The following RBM45 variants were observed in gnomAD, a reference collection of about 807,000 sequenced individuals.
RBM45 encodes RNA binding motif protein 45, also known as RNA-binding protein 45.
RBM45 carries 39 observed loss-of-function variants against 58.5 expected under a neutral mutation model. That is an observed-to-expected ratio of 0.67 (90% CI 0.52 to 0.87). RBM45 has a LOEUF of 0.87. Ranked by LOEUF, RBM45 falls within the 40% of genes least tolerant of loss-of-function variation. The probability of loss-of-function intolerance (pLI) is 0.00; values close to 1 mark genes in which losing one functional copy is unlikely to be tolerated. For missense variants in RBM45, 481 were observed against 581.6 expected (o/e 0.83, Z 1.78); for synonymous variants, 193 against 203.0 (o/e 0.95, Z 0.42).
At chr2:178,117,985 T>G (rs1445153448) in intron 2 of RBM45, 70 bp from the exon 3 acceptor site, 1 of 1,338,498 alleles carries the variant, frequency 7.5e-7, no homozygotes, top group Non-Finnish European at 9.9e-7. Context: ...TATAAACAAA[T>G]TTTTAGTTCT....
chr2:178,120,382 G>A lies in RBM45; in HGVS notation c.646G>A (p.Glu216Lys). 1.2e-6 allele frequency: 2 copies of A among 1,612,836 alleles called. No homozygotes were observed. The highest frequency in any genetic ancestry group is 1.7e-6 in the Non-Finnish European group (2 of 1,179,402). Reference sequence around the variant, plus strand: ...TATGAGGCAAGAAGCTTTGGGACATGAACCTAGAGTAAATATGTTTCCATT... The same window carrying A: ...TATGAGGCAAGAAGCTTTGGGACATAAACCTAGAGTAAATATGTTTCCATT... ...SNMRQEALGH[E>K]PRVNMFPFEQ... The change falls in exon 4 of 10, where the codon GAA becomes AAA. Residue 216 changes from glutamate to lysine, a missense_variant. By Grantham distance (56) the Glu-to-Lys change is moderately conservative. Coordinates refer to ENST00000286070, the MANE Select transcript of RBM45 (RefSeq NM_152945.4).
At chr2:178,115,957 A>G (rs2087768280) in intron 1 of RBM45, among the ~76,000 whole-genome samples, 1 of 152,034 alleles carries the variant, frequency 6.6e-6, no homozygotes, top group Non-Finnish European at 1.5e-5. Flanking sequence ...ATTCATGACC[A>G]TCCTGGACAA....
chr2:178,120,139 A>G, intron 3 of RBM45, 148 bp from the exon 4 acceptor site: 1 of 946,416 alleles, frequency 1.1e-6, no homozygotes, highest in South Asian at 1.5e-5. Context: ...TCCAGAAAGC[A>G]AAGAAGTAGG....
At chr2:178,136,821 A>G (rs887631983) in exon 4 of RBM45, 1 of 152,186 alleles carries the variant, frequency 6.6e-6, no homozygotes, top group African/African-American at 2.4e-5. Context: ...CACCTGCTGG[A>G]TATTATATCA....
At chr2:178,122,886 T>C (rs2087873908) in intron 5 of RBM45, among the ~76,000 whole-genome samples, 1 of 152,136 alleles carries the variant, frequency 6.6e-6, no homozygotes, top group Non-Finnish European at 1.5e-5. Flanking sequence ...AACCTTTTAG[T>C]TGTGTCACAA....
At chr2:178,131,894 T>TA (rs2088008989), downstream of RBM45, among the ~76,000 whole-genome samples, 2 of 152,318 alleles carry the variant, frequency 1.3e-5, no homozygotes, top group South Asian at 4.1e-4. Flanking sequence ...TTCTAGAACC[T>TA]AAAAAATTGC....
At chr2:178,126,403 T>C (rs566052551) in intron 9 of RBM45, among the ~76,000 whole-genome samples, 1 of 152,360 alleles carries the variant, frequency 6.6e-6, no homozygotes, top group East Asian at 1.9e-4. Context: ...AGATAAATAA[T>C]TGTTTTTTGT....
At chr2:178,122,145 G>T (rs2087861325) in intron 5 of RBM45, among the ~76,000 whole-genome samples, 1 of 152,076 alleles carries the variant, frequency 6.6e-6, no homozygotes, top group African/African-American at 2.4e-5. Context: ...TACCTTCTTT[G>T]CCAGGGTTAG....
At chr2:178,126,552 G>C (rs927393821) in intron 9 of RBM45, among the ~76,000 whole-genome samples, 1 of 152,102 alleles carries the variant, frequency 6.6e-6, no homozygotes, top group African/African-American at 2.4e-5. Context: ...AAAAATTGGT[G>C]TCTTGAGTTA....
intron 3 of RBM45, among the ~76,000 whole-genome samples, chr2:178,118,947 C>T (rs2087813858): frequency 6.6e-6 from 1 of 152,130 alleles, no homozygotes. Context: ...TGAGTACCTG[C>T]AGTATACTGA....
intron 9 of RBM45, 78 bp downstream of exon 9, chr2:178,126,262 CTT>C (rs897926523): frequency 8.5e-5 from 77 of 903,562 alleles, no homozygotes; most frequent in Middle Eastern, 2.3e-4. Context: ...ACTTTATAAA[CTT>C]TTCTTTTTAG....
At chr2:178,124,098 T>G (rs772446807) in intron 7 of RBM45, 29 bp from the exon 8 acceptor site, 1 of 1,571,038 alleles carries the variant, frequency 6.4e-7, no homozygotes, top group South Asian at 1.2e-5. Flanking sequence ...GGCATTTTTT[T>G]CTTTTTCTTG....
chr2:178,127,084 G>T (rs551954133), intron 9 of RBM45, among the ~76,000 whole-genome samples: 1 of 151,990 alleles, frequency 6.6e-6, no homozygotes, highest in Non-Finnish European at 1.5e-5. Flanking sequence ...CTACAGGCGC[G>T]TACCACCACG....
chr2:178,124,860 T>C (rs1325068016), intron 8 of RBM45, among the ~76,000 whole-genome samples: 1 of 152,188 alleles, frequency 6.6e-6, no homozygotes, highest in Non-Finnish European at 1.5e-5. Context: ...GTTGGTGCAT[T>C]GTAGGATCCT....
rs1259832877 is a variant in RBM45, at chr2:178,124,153, G to A, written c.1095G>A (p.Gln365=). The A allele has an allele frequency of 1.3e-6, 2 of 1,597,606 alleles. No individual in the cohort carries two copies. The highest frequency in any genetic ancestry group is 1.8e-5 in the Admixed American group (1 of 55,774). Residue 365 remains glutamine, a synonymous_variant, in exon 8 of 10, where the codon CAG becomes CAA. Coordinates refer to ENST00000286070, the MANE Select transcript of RBM45 (RefSeq NM_152945.4). ...AATTTGGAGGAAGCTCTGGATCACAGTTGCCTCAAATCCAGACAGATGTTG... is the reference window on the plus strand; with the variant it reads ...AATTTGGAGGAAGCTCTGGATCACAATTGCCTCAAATCCAGACAGATGTTG... The part of the protein sequence containing the change: ...FMQFGGSSGS[Q]LPQIQTDVVL...
chr2:178,114,249 A>G (rs150291501), intron 1 of RBM45, among the ~76,000 whole-genome samples: 227 of 152,244 alleles, frequency 1.5e-3, no homozygotes, highest in Non-Finnish European at 2.5e-3. Flanking sequence ...TGGTTTGCTG[A>G]CCCCTGTACT....
Position 178,120,341 on chromosome 2 carries a change from A to C in RBM45, c.605A>C (p.Gln202Pro). The change falls in exon 4 of 10, where the codon CAA (glutamine) becomes CCA (proline). Residue 202 changes from glutamine (Q) to proline (P), a missense_variant. By Grantham distance (76) the Gln-to-Pro change is moderately conservative. Transcript: ENST00000286070. ...PKNKASESSE[Q>P]DYYSNMRQEA... ...AATAAAGCATCTGAATCCTCTGAAC[A>C]AGATTATTATAGTAATATGAGGCAA... 1 of 1,613,380 alleles carries C rather than the reference A, an allele frequency of 6.2e-7. No individual in the cohort carries two copies. Among genetic ancestry groups the C allele is most frequent in the Non-Finnish European group, 8.5e-7 (1 of 1,179,564 alleles).
At chr2:178,130,750 C>T (rs1358029819), downstream of RBM45, among the ~76,000 whole-genome samples, 2 of 152,142 alleles carry the variant, frequency 1.3e-5, no homozygotes, top group African/African-American at 4.8e-5. Context: ...CTGACTCAAA[C>T]GATGAAAGAT....
intron 9 of RBM45, among the ~76,000 whole-genome samples, chr2:178,128,346 A>C (rs775646705): frequency 2.0e-5 from 3 of 152,066 alleles, no homozygotes; most frequent in Non-Finnish European, 4.4e-5. Flanking sequence ...CTTTTGAGAG[A>C]CAATGAGTCA....
Sources: gnomAD v4.1 joint callset for allele counts (sites outside exome capture counted in the v4.1 genomes callset) on GRCh38, gnomAD v4.1.1 for gene constraint, MANE v1.5 for transcripts, NCBI Gene and HGNC (gene_info 2026-07-23, HGNC 2026-07-21) for gene names.